The following MYO16 variants were observed in gnomAD, a reference collection of about 807,000 sequenced individuals.
MYO16 encodes unconventional myosin-XVI.
MYO16 carries 94 observed loss-of-function variants against 205.3 expected under a neutral mutation model. The observed-to-expected ratio is 0.46, with a 90% CI of 0.39 to 0.54. MYO16 has a LOEUF of 0.54. Among genes scored for constraint, MYO16 ranks in the 20% least tolerant of loss-of-function variants. The pLI, the probability that MYO16 is intolerant of heterozygous loss-of-function variation, is 0.00. For synonymous variants in MYO16, 988 were observed against 954.0 expected, an observed-to-expected ratio of 1.04 and a Z score of -0.66; for missense variants, 2,315 against 2,387.5, an observed-to-expected ratio of 0.97 and a Z score of 0.63.
At chr13:109,014,325 C>T (rs901959460) in intron 22 of MYO16, among the ~76,000 whole-genome samples, 6 of 152,016 alleles carry the variant, frequency 3.9e-5, no homozygotes, top group Non-Finnish European at 8.8e-5. Context: ...ATTGGTCTAT[C>T]TCTCTGTTTT....
chr13:109,127,681 CA>C lies in MYO16; in HGVS notation c.4051+132del. 1.1e-6 allele frequency: 1 copy of C among 890,808 alleles called. No homozygotes were observed. The highest frequency in any genetic ancestry group is 1.8e-5 in the South Asian group (1 of 54,482). The allele number at this position is 890,808 out of a possible 1,614,324, so 55.2% of individuals were successfully genotyped here. On this transcript the variant is annotated intron_variant, in intron 31 of 34. Coordinates refer to ENST00000457511, the MANE Select transcript of MYO16 (RefSeq NM_001198950.3). The surrounding 1 kb of genome is among the most constrained non-coding windows in gnomAD (Gnocchi z 4.2). ...GAAATAAATCCAATTGTTGGCTTGC[CA>C]GCAGCTCTTAATCATTAAATATAAA...
chr13:108,735,176 A>G (rs1224408361), intron 4 of MYO16, among the ~76,000 whole-genome samples: 1 of 152,058 alleles, frequency 6.6e-6, no homozygotes, highest in Non-Finnish European at 1.5e-5. Flanking sequence ...GGTTTGTTAC[A>G]TATGTATACA....
chr13:108,541,935 A>G, the MYO16 span, among the ~76,000 whole-genome samples: 1 of 152,326 alleles, frequency 6.6e-6, no homozygotes, highest in Non-Finnish European at 1.5e-5. Flanking sequence ...CAGAGCTACC[A>G]TTTGACTCGG....
At chr13:108,529,943 T>C in the MYO16 span, among the ~76,000 whole-genome samples, 1 of 152,182 alleles carries the variant, frequency 6.6e-6, no homozygotes, top group South Asian at 2.1e-4. Flanking sequence ...GAAGAATATT[T>C]ATTTGATTTC....
At chr13:108,549,695 G>A in the MYO16 span, among the ~76,000 whole-genome samples, 1 of 151,946 alleles carries the variant, frequency 6.6e-6, no homozygotes, top group Admixed American at 6.6e-5. Flanking sequence ...ATGGGAGTGG[G>A]GAGAGTGGTC....
intron 23 of MYO16, among the ~76,000 whole-genome samples, chr13:109,032,208 C>T (rs997690727): frequency 6.6e-6 from 1 of 152,160 alleles, no homozygotes; most frequent in Admixed American, 6.5e-5. Flanking sequence ...TGATTTCCAA[C>T]TTCCCATGTG....
chr13:109,036,929 C>A (rs942402446), intron 23 of MYO16, among the ~76,000 whole-genome samples: 21 of 152,154 alleles, frequency 1.4e-4, no homozygotes, highest in African/African-American at 4.8e-4. Flanking sequence ...ATGAGCAAGG[C>A]CCTGAGCCAA....
At chr13:108,831,120 A>C (rs1322681630) in intron 9 of MYO16, among the ~76,000 whole-genome samples, 1 of 152,044 alleles carries the variant, frequency 6.6e-6, no homozygotes, top group Non-Finnish European at 1.5e-5. Context: ...CACCCTCATG[A>C]CTTAGTCACC....
chr13:108,690,729 T>A (rs1486466410), intron 2 of MYO16, among the ~76,000 whole-genome samples: 1 of 152,156 alleles, frequency 6.6e-6, no homozygotes, highest in Non-Finnish European at 1.5e-5. Context: ...CACTTGTGTG[T>A]CAATGACAAA....
At chr13:108,732,307 A>G (rs776970690) in intron 4 of MYO16, among the ~76,000 whole-genome samples, 3 of 152,232 alleles carry the variant, frequency 2.0e-5, no homozygotes, top group Admixed American at 1.3e-4. Context: ...TGCCTTTTAG[A>G]GCTTACATTC....
chr13:108,857,909 A>G (rs1011505471), intron 11 of MYO16, among the ~76,000 whole-genome samples: 3 of 152,172 alleles, frequency 2.0e-5, no homozygotes, highest in Non-Finnish European at 4.4e-5. Flanking sequence ...CCGAATGTTC[A>G]TATAACATAA....
chr13:109,046,204 G>C (rs535556602), intron 23 of MYO16, among the ~76,000 whole-genome samples: 47 of 152,268 alleles, frequency 3.1e-4, no homozygotes, highest in African/African-American at 1.1e-3. Flanking sequence ...ACTGACCGTG[G>C]TCTGTGCCCC....
the MYO16 span, among the ~76,000 whole-genome samples, chr13:108,588,646 G>A: frequency 0.058 from 8,837 of 152,028 alleles, 810 homozygotes; most frequent in African/African-American, 0.2. Flanking sequence ...ATTGCATTTG[G>A]GAGTCATTCA....
At chr13:108,660,469 A>G (rs558909771) in intron 1 of MYO16, among the ~76,000 whole-genome samples, 2 of 152,134 alleles carry the variant, frequency 1.3e-5, no homozygotes, top group Non-Finnish European at 2.9e-5. Flanking sequence ...TTAGGTACAT[A>G]TATATTTAGG....
Position 108,907,848 on chromosome 13 carries a change from A to G in MYO16, c.1778-2155A>G, listed in dbSNP as rs1007548722. On this transcript the variant is annotated intron_variant, in intron 15 of 34. Transcript: ENST00000457511. ...AGGGCTTGCATATTGGCTGGGATAG[A>G]TGGGGGTTAGCCAACCATTTCTCCA... Among the ~76,000 whole-genome samples the G allele has an allele frequency of 4.6e-5, 7 of 152,172 alleles. No individual in the cohort carries two copies. In the South Asian group the frequency reaches 1.4e-3, roughly 31 times the overall value.
chr13:108,895,990 T>G (rs1160707724), intron 14 of MYO16, among the ~76,000 whole-genome samples: 1 of 152,294 alleles, frequency 6.6e-6, no homozygotes, highest in African/African-American at 2.4e-5. Flanking sequence ...TTTGAGGAAT[T>G]CAGAGGACCT....
chr13:108,631,920 A>G (rs904262679), intron 1 of MYO16, among the ~76,000 whole-genome samples: 1 of 152,072 alleles, frequency 6.6e-6, no homozygotes, highest in Admixed American at 6.6e-5. Context: ...TCTACTAAAA[A>G]TACAAAATTT....
Position 109,206,710 on chromosome 13 carries a change from G to A in MYO16, c.5517G>A (p.Gln1839=). 1 of 1,614,196 alleles carries A rather than the reference G, an allele frequency of 6.2e-7. No homozygotes were observed. The highest frequency in any genetic ancestry group is 1.1e-5 in the South Asian group (1 of 91,092). ...GTGAGGAAGGACAAGACTGGCAGCA[G>A]ATCCTGCACCACGCTGAGCCCAGGG... ...KLCEEGQDWQ[Q]ILHHAEPRVP... Residue 1839 remains glutamine, a synonymous_variant, in exon 35 of 35, where the codon CAG becomes CAA. Transcript: ENST00000457511.
intron 31 of MYO16, among the ~76,000 whole-genome samples, chr13:109,128,159 G>C (rs157026): frequency 0.013 from 1,964 of 152,280 alleles, 44 homozygotes; most frequent in African/African-American, 0.046. Context: ...TAAAGGAAGT[G>C]CTTCTTAGCG....
Sources: gnomAD v4.1 joint callset for allele counts (sites outside exome capture counted in the v4.1 genomes callset) on GRCh38, gnomAD v4.1.1 for gene constraint, Gnocchi (gnomAD v3.1) non-coding constraint, MANE v1.5 for transcripts, NCBI Gene and HGNC (gene_info 2026-07-23, HGNC 2026-07-21) for gene names.